OSBPL3: variants seen among roughly 807,000 people sequenced by gnomAD.
The protein encoded by OSBPL3 is oxysterol binding protein like 3, also known as oxysterol-binding protein-related protein 3.
OSBPL3 carries 65 observed loss-of-function variants against 120.1 expected under a neutral mutation model. The observed-to-expected ratio is 0.54, with a 90% confidence interval of 0.44 to 0.67. The LOEUF (loss-of-function observed/expected upper bound fraction) is 0.67. Ranked by LOEUF, OSBPL3 falls within the 30% of genes least tolerant of loss-of-function variation. The probability of loss-of-function intolerance (pLI) is 0.00; values close to 1 mark genes in which losing one functional copy is unlikely to be tolerated. For synonymous variants in OSBPL3, 416 were observed against 402.6 expected, an observed-to-expected ratio of 1.03 and a Z score of -0.40; for missense variants, 1,004 against 1,082.1, an observed-to-expected ratio of 0.93 and a Z score of 1.01.
At chr7:24,961,551 T>C (rs746053573) in intron 1 of OSBPL3, among the ~76,000 whole-genome samples, 1 of 152,154 alleles carries the variant, frequency 6.6e-6, no homozygotes, top group Admixed American at 6.5e-5. Flanking sequence ...CCCAGAGAGC[T>C]GCCATGCCCC....
At chr7:24,908,463 T>G (rs1808279992) in intron 1 of OSBPL3, among the ~76,000 whole-genome samples, 1 of 152,142 alleles carries the variant, frequency 6.6e-6, no homozygotes, top group Admixed American at 6.5e-5. Context: ...ATAATACTGA[T>G]CCTATTACAA....
At chr7:24,887,403 T>C (rs1342918246) in intron 2 of OSBPL3, among the ~76,000 whole-genome samples, 1 of 152,264 alleles carries the variant, frequency 6.6e-6, no homozygotes, top group Non-Finnish European at 1.5e-5. Context: ...AACAAGGTCA[T>C]GTGAGTTCTG....
In OSBPL3 at chr7:24,862,495, T is replaced by C. The variant is rs1800707218; in HGVS notation, c.870+705A>G. Reference sequence around the variant, plus strand: ...AAAACAAATGACCTTCATTTGTACATGGAACATTCTTTACTTCCAAAGTGC... The same window carrying C: ...AAAACAAATGACCTTCATTTGTACACGGAACATTCTTTACTTCCAAAGTGC... On this transcript the variant is annotated intron_variant, in intron 9 of 22. Coordinates refer to ENST00000313367, the MANE Select transcript of OSBPL3 (RefSeq NM_015550.4). The surrounding 1 kb of genome is among the most constrained non-coding windows in gnomAD (Gnocchi z 4.4). Among the ~76,000 whole-genome samples, 4 of 152,218 alleles carry C rather than the reference T, an allele frequency of 2.6e-5. No individual in the cohort carries two copies. Among genetic ancestry groups the C allele is most frequent in the Non-Finnish European group, 5.9e-5 (4 of 68,038 alleles).
intron 13 of OSBPL3, 121 bp downstream of exon 13, chr7:24,842,158 T>C (rs1279408390): frequency 3.0e-6 from 3 of 995,896 alleles, no homozygotes; most frequent in Non-Finnish European, 3.0e-6. Flanking sequence ...TCTCAGAACA[T>C]AATGACTACA....
Position 24,900,539 on chromosome 7 carries a change from A to T in OSBPL3, c.-149-7918T>A, listed in dbSNP as rs1288486452. Among the ~76,000 whole-genome samples the T allele has an allele frequency of 6.6e-6, 1 of 152,208 alleles. No homozygotes were observed. The highest frequency in any genetic ancestry group is 1.5e-5 in the Non-Finnish European group (1 of 68,042). The stretch of plus-strand genomic sequence containing the variant: ...AGTAGACCCTGAGTTCTTTTCTGGG[A>T]AAGATTTTGTCCCACTGCTTAGCTA... On this transcript the variant is annotated intron_variant, in intron 1 of 22. Transcript: ENST00000313367. This position sits in a 1 kb window ranked among gnomAD's most constrained non-coding sequence, Gnocchi z 4.5.
chr7:24,945,231 A>G (rs1410862681), intron 1 of OSBPL3, among the ~76,000 whole-genome samples: 1 of 152,182 alleles, frequency 6.6e-6, no homozygotes, highest in Non-Finnish European at 1.5e-5. Flanking sequence ...TTTCCAGGCT[A>G]AACATCTCCA....
rs1028612037 is a variant in OSBPL3 at position 24,940,672 on chromosome 7, G to T, written c.-150+39214C>A. Among the ~76,000 whole-genome samples, 1 of 151,888 alleles carries T rather than the reference G, an allele frequency of 6.6e-6. No individual in the cohort carries two copies. The highest frequency in any genetic ancestry group is 2.1e-4 in the South Asian group (1 of 4,816). ...ACCTAAAACCAAGGAGATGAGGAAC[G>T]GTGAATGAAGATGTCAGGTAAGTCC... is the stretch of plus-strand genomic sequence containing the variant. On this transcript the variant is annotated intron_variant, in intron 1 of 22. Transcript: ENST00000313367. The surrounding 1 kb of genome is among the most constrained non-coding windows in gnomAD (Gnocchi z 4.4).
At chr7:24,926,429 A>T (rs1029839681) in intron 1 of OSBPL3, among the ~76,000 whole-genome samples, 3 of 152,190 alleles carry the variant, frequency 2.0e-5, no homozygotes, top group Non-Finnish European at 2.9e-5. Flanking sequence ...TTTTAAAAAA[A>T]GCTTTCCAGA....
At chr7:24,811,324 T>G (rs1179390334) in intron 19 of OSBPL3, among the ~76,000 whole-genome samples, 3 of 152,242 alleles carry the variant, frequency 2.0e-5, no homozygotes, top group African/African-American at 4.8e-5. Context: ...GTATGTCTTC[T>G]TTTGAGAAAC....
chr7:24,840,295 C>T (rs1175135823), intron 14 of OSBPL3, among the ~76,000 whole-genome samples: 6 of 152,100 alleles, frequency 3.9e-5, no homozygotes, highest in Non-Finnish European at 8.8e-5. Context: ...TTTCTTCTGC[C>T]TCTGCTACCC....
At chr7:24,865,638 T>C (rs762353903) in intron 6 of OSBPL3, among the ~76,000 whole-genome samples, 173 bp from the exon 7 acceptor site, 3 of 152,224 alleles carry the variant, frequency 2.0e-5, no homozygotes, top group Non-Finnish European at 2.9e-5. Flanking sequence ...GGCTTGGCCA[T>C]ACCGTGCTAT....
chr7:24,891,571 C>A lies in OSBPL3; in HGVS notation c.96+806G>T, dbSNP rs765927251. ...GAAAAGGCTCAGAGACCACTTTGGT[C>A]ATAAATTCAGCTTTCTGACAGCTCA... On this transcript the variant is annotated intron_variant, in intron 2 of 22. Coordinates refer to ENST00000313367, the MANE Select transcript of OSBPL3 (RefSeq NM_015550.4). This position sits in a 1 kb window ranked among gnomAD's most constrained non-coding sequence, Gnocchi z 4.1. 1.3e-5 allele frequency among the ~76,000 whole-genome samples: 2 copies of A among 152,194 alleles called. No individual in the cohort carries two copies. The highest frequency in any genetic ancestry group is 2.9e-5 in the Non-Finnish European group (2 of 68,030).
In OSBPL3 at chr7:24,856,988, T is replaced by C. The variant is rs568172422; in HGVS notation, c.1028-4354A>G. On this transcript the variant is annotated intron_variant, in intron 10 of 22. Transcript: ENST00000313367. ...TGAATCTAATTGCTCAGCACATTTA[T>C]GCTGAATTCTAATTTATGAACAATA... Among the ~76,000 whole-genome samples, 6 of 152,340 alleles carry C rather than the reference T, an allele frequency of 3.9e-5. No homozygotes were observed. The South Asian group carries it at 8.3e-4, about 21-fold the overall frequency.
intron 10 of OSBPL3, 137 bp downstream of exon 10, chr7:24,861,472 TAAAA>T: frequency 1.8e-6 from 1 of 544,728 alleles, no homozygotes; most frequent in South Asian, 3.7e-5. Flanking sequence ...ACTAGGGAAA[TAAAA>T]TAAAGATTAG....
rs1791992331 is a variant in OSBPL3 at position 24,798,917 on chromosome 7, A to G, written c.*1266T>C. 1 of 152,610 alleles carries G rather than the reference A, an allele frequency of 6.6e-6. No homozygotes were observed. The allele number at this position is 152,610 out of a possible 1,614,324, so 9.5% of individuals were successfully genotyped here. The stretch of plus-strand genomic sequence containing the variant: ...TTTGATAACACAATTCAACTACTAC[A>G]CATATTATTGTAATGTGAAATAACA... On this transcript the variant is annotated 3_prime_UTR_variant, in exon 23 of 23. Transcript: ENST00000313367. The surrounding 1 kb of genome is among the most constrained non-coding windows in gnomAD (Gnocchi z 4.6).
At chr7:24,860,717 C>T (rs1800408866) in intron 10 of OSBPL3, among the ~76,000 whole-genome samples, 1 of 152,186 alleles carries the variant, frequency 6.6e-6, no homozygotes, top group Non-Finnish European at 1.5e-5. Context: ...GTCAGCATAA[C>T]GTCCCTGAGA....
intron 2 of OSBPL3, among the ~76,000 whole-genome samples, chr7:24,876,562 C>T (rs527394423): frequency 2.6e-4 from 40 of 152,080 alleles, no homozygotes; most frequent in African/African-American, 9.4e-4. Flanking sequence ...TAAGAGATTT[C>T]TCCTGGTTTA....
rs1311582397 is a variant in OSBPL3, at chr7:24,939,015, TA to T, written c.-150+40870del. On this transcript the variant is annotated intron_variant, in intron 1 of 22. Transcript: ENST00000313367. The surrounding 1 kb of genome is among the most constrained non-coding windows in gnomAD (Gnocchi z 4.2). ...TAGGAATCAGTGTAGAAATAAAGAT[TA>T]AAGAATTTTTAGCACAGAGATATTG... Among the ~76,000 whole-genome samples, 13 of 151,978 alleles carry T rather than the reference TA, an allele frequency of 8.6e-5. No individual in the cohort carries two copies. Among genetic ancestry groups the T allele is most frequent in the Non-Finnish European group, 1.8e-4 (12 of 67,998 alleles).
rs1404588723 is a variant in OSBPL3 at position 24,956,182 on chromosome 7, G to C, written c.-150+23704C>G. 2.6e-5 allele frequency among the ~76,000 whole-genome samples: 4 copies of C among 152,370 alleles called. No homozygotes were observed. In the East Asian group the frequency reaches 7.7e-4, roughly 29 times the overall value. ...ATCATGCATAAACCCACTTAGCCAT[G>C]AAAGCTTCAATAAAACTGCTCTGTG... On this transcript the variant is annotated intron_variant, in intron 1 of 22. Transcript: ENST00000313367.
Sources: allele counts gnomAD v4.1 joint callset (sites outside exome capture counted in the v4.1 genomes callset), GRCh38; gene constraint gnomAD v4.1.1; non-coding constraint Gnocchi (gnomAD v3.1); transcripts MANE v1.5; gene names NCBI Gene and HGNC (gene_info 2026-07-23, HGNC 2026-07-21).